RIMS2: variants seen among roughly 807,000 people sequenced by gnomAD.
The protein encoded by RIMS2 is regulating synaptic membrane exocytosis 2, also known as regulating synaptic membrane exocytosis protein 2.
A neutral mutation model predicts 174.4 loss-of-function variants in RIMS2; 59 were observed. The observed-to-expected ratio is 0.34, with a 90% CI of 0.27 to 0.42. The LOEUF is 0.42. RIMS2 is among the 10% of genes least tolerant of loss of function. RIMS2 has a pLI of 1.00. For missense variants in RIMS2, 1,620 were observed against 1,666.3 expected (o/e 0.97, Z 0.48); for synonymous variants, 606 against 572.5 (o/e 1.06, Z -0.84).
At chr8:103,808,268 G>A (rs2098663814) in intron 3 of RIMS2, among the ~76,000 whole-genome samples, 1 of 152,022 alleles carries the variant, frequency 6.6e-6, no homozygotes, top group African/African-American at 2.4e-5. Flanking sequence ...TCTCTCTCTT[G>A]ACTTTTCTCT....
At chr8:103,609,015 C>T (rs1192429252) in intron 1 of RIMS2, among the ~76,000 whole-genome samples, 1 of 152,100 alleles carries the variant, frequency 6.6e-6, no homozygotes, top group East Asian at 1.9e-4. Context: ...TTGGCTCCTC[C>T]CTCCCATTTT....
At chr8:103,972,483 A>G (rs980393852) in intron 15 of RIMS2, among the ~76,000 whole-genome samples, 2 of 152,248 alleles carry the variant, frequency 1.3e-5, no homozygotes, top group African/African-American at 4.8e-5. Context: ...ATTTCTGCTT[A>G]AAACCCACGA....
At chr8:104,003,592 T>C (rs927051498) in intron 17 of RIMS2, among the ~76,000 whole-genome samples, 6 of 152,064 alleles carry the variant, frequency 3.9e-5, no homozygotes, top group Non-Finnish European at 1.5e-5. Context: ...TTTTGTATTT[T>C]TAGTAGAGAT....
Position 103,599,475 on chromosome 8 carries a change from G to A in RIMS2, c.177-97611G>A, listed in dbSNP as rs1326433031. ...TTTCTTTGAGACAAGATCTCACTCTGTTGCCCTGATTGTCATGCAGGGGTG... is the reference window on the plus strand; with the variant it reads ...TTTCTTTGAGACAAGATCTCACTCTATTGCCCTGATTGTCATGCAGGGGTG... On this transcript the variant is annotated intron_variant, in intron 1 of 23. Transcript: ENST00000504942. Among the ~76,000 whole-genome samples, 6 of 150,530 alleles carry A rather than the reference G, an allele frequency of 4.0e-5. No homozygotes were observed. The East Asian group carries it at 1.2e-3, about 29-fold the overall frequency.
At chr8:104,086,274 T>G (rs1313483680) in intron 19 of RIMS2, among the ~76,000 whole-genome samples, 2 of 150,048 alleles carry the variant, frequency 1.3e-5, no homozygotes, top group Admixed American at 6.6e-5. Context: ...GGGTTTTTTT[T>G]TTTTTTTTTT....
chr8:104,048,872 A>T (rs1010705885), intron 19 of RIMS2, among the ~76,000 whole-genome samples: 8 of 152,136 alleles, frequency 5.3e-5, no homozygotes, highest in African/African-American at 1.9e-4. Flanking sequence ...TATTTTTTAG[A>T]TAAATATCAT....
At chr8:104,122,745 C>A (rs1049949797) in intron 19 of RIMS2, among the ~76,000 whole-genome samples, 27 of 152,086 alleles carry the variant, frequency 1.8e-4, no homozygotes, top group African/African-American at 6.3e-4. Flanking sequence ...GTATTAACTT[C>A]ATGTTTAACT....
chr8:103,912,292 T>C (rs1360762612), intron 6 of RIMS2, 120 bp downstream of exon 9: 3 of 648,478 alleles, frequency 4.6e-6, no homozygotes, highest in East Asian at 6.0e-5. Context: ...TTCAATAGTT[T>C]GTGAAGATTC....
intron 19 of RIMS2, among the ~76,000 whole-genome samples, chr8:104,175,297 T>A (rs1320511005): frequency 2.0e-5 from 3 of 152,172 alleles, no homozygotes; most frequent in African/African-American, 2.4e-5. Flanking sequence ...CTGTTAACTT[T>A]AAAAAATTTT....
At chr8:103,616,370 C>G (rs1364030364) in intron 1 of RIMS2, among the ~76,000 whole-genome samples, 2 of 152,102 alleles carry the variant, frequency 1.3e-5, no homozygotes, top group Non-Finnish European at 2.9e-5. Context: ...GAACATAGTT[C>G]AAAATAATAA....
At position 103,719,118 on chromosome 8, in the gene RIMS2, A is replaced by G. The variant is rs757849996; in HGVS notation, c.387+21822A>G. On this transcript the variant is annotated intron_variant, in intron 2 of 23. Transcript: ENST00000504942. ...AGCTGCTGGGAGGTCATAAGTTAAA[A>G]AAAAATGTAGCTGGCACAACCTTTT... is the stretch of plus-strand genomic sequence containing the variant. Among the ~76,000 whole-genome samples, 68 of 152,230 alleles carry G rather than the reference A, an allele frequency of 4.5e-4. 1 individual carries two copies. The highest frequency in any genetic ancestry group is 7.9e-4 in the Non-Finnish European group (54 of 68,038).
At chr8:104,086,866 T>C (rs560808433) in intron 19 of RIMS2, among the ~76,000 whole-genome samples, 5 of 152,234 alleles carry the variant, frequency 3.3e-5, no homozygotes, top group Non-Finnish European at 7.4e-5. Context: ...ACTCATTCTC[T>C]CCTAAGGAGT....
downstream of RIMS2, chr8:104,255,462 TC>T (rs2099366434): frequency 6.6e-6 from 1 of 151,954 alleles, no homozygotes; most frequent in Non-Finnish European, 1.5e-5. Flanking sequence ...TCCATGCGAG[TC>T]CCTTCTTGCA....
intron 19 of RIMS2, among the ~76,000 whole-genome samples, chr8:104,155,629 G>T (rs181785718): frequency 0.011 from 1,700 of 151,136 alleles, 34 homozygotes; most frequent in African/African-American, 0.04. Context: ...TAGCCAGGGT[G>T]GTCTTGATCT....
chr8:103,697,168 G>T (rs746428027), exon 2 of RIMS2: 2 of 1,613,652 alleles, frequency 1.2e-6, no homozygotes, highest in South Asian at 2.2e-5. Flanking sequence ...AGAACAGAAG[G>T]GTGATGCGCC....
At chr8:103,925,322 A>T (rs2078560099) in intron 10 of RIMS2, among the ~76,000 whole-genome samples, 1 of 151,638 alleles carries the variant, frequency 6.6e-6, no homozygotes, top group Non-Finnish European at 1.5e-5. Context: ...TATTACAAAT[A>T]TCCATTTTAT....
rs144582633 is a variant in RIMS2 at position 103,597,534 on chromosome 8, G to A, written c.176+96472G>A. On this transcript the variant is annotated intron_variant, in intron 1 of 23. Transcript: ENST00000504942. ...CAGCACAGTAGGTCCCACACCTCCT[G>A]CCTCTCTGCTTACTTAATGTTCATT... 4.4e-3 allele frequency among the ~76,000 whole-genome samples: 670 copies of A among 152,130 alleles called. 4 individuals carry two copies. Among genetic ancestry groups the A allele is most frequent in the African/African-American group, 0.015 (629 of 41,520 alleles).
chr8:104,092,167 A>G (rs575301047), intron 19 of RIMS2, among the ~76,000 whole-genome samples: 22 of 151,920 alleles, frequency 1.4e-4, no homozygotes, highest in Admixed American at 2.6e-4. Flanking sequence ...TCTACTGTTT[A>G]TGCTCTGTTG....
intron 19 of RIMS2, among the ~76,000 whole-genome samples, chr8:104,158,301 T>C (rs978553247): frequency 1.3e-5 from 2 of 152,234 alleles, no homozygotes; most frequent in Non-Finnish European, 2.9e-5. Context: ...CTATTATTGA[T>C]GGACCTTTGG....
Sources: allele counts gnomAD v4.1 joint callset (sites outside exome capture counted in the v4.1 genomes callset), GRCh38; gene constraint gnomAD v4.1.1; transcripts MANE v1.5; gene names NCBI Gene and HGNC (gene_info 2026-07-23, HGNC 2026-07-21).